Variants in GTF2A1L observed in about 807,000 individuals in gnomAD.
GTF2A1L encodes general transcription factor IIA subunit 1 like, also known as TFIIA-alpha and beta-like factor.
Under a neutral mutation model 49.7 loss-of-function variants are expected in GTF2A1L, and 48 were observed. That is an observed-to-expected ratio of 0.97 (90% CI 0.77 to 1.23). The LOEUF is 1.23. Among genes scored for constraint, GTF2A1L ranks in the 50% most tolerant of loss-of-function variants. The probability of loss-of-function intolerance (pLI) is 0.00; values close to 1 mark genes in which losing one functional copy is unlikely to be tolerated. For missense variants in GTF2A1L, 736 were observed against 564.8 expected (o/e 1.30, Z -3.07); for synonymous variants, 246 against 193.5 (o/e 1.27, Z -2.25).
At chr2:48,642,547 C>T in intron 4 of GTF2A1L, 90 bp downstream of exon 4, 1 of 1,260,786 alleles carries the variant, frequency 7.9e-7, no homozygotes, top group Non-Finnish European at 1.1e-6. Flanking sequence ...TAATTTCTTA[C>T]CCTCCAGTTG....
intron 3 of GTF2A1L, among the ~76,000 whole-genome samples, chr2:48,624,717 C>T (rs1676206676): frequency 7.1e-6 from 1 of 141,388 alleles, no homozygotes; most frequent in Admixed American, 7.3e-5. Context: ...TTCTCCCTTC[C>T]TGCCTCTGGT....
chr2:48,617,966 C>T, intron 1 of GTF2A1L, 71 bp downstream of exon 1: 1 of 1,446,604 alleles, frequency 6.9e-7, no homozygotes, highest in East Asian at 2.5e-5. Context: ...CCGAACCCTG[C>T]ACCTTTTGTT....
At chr2:48,663,768 T>C (rs1467464030) in intron 6 of GTF2A1L, among the ~76,000 whole-genome samples, 2 of 152,082 alleles carry the variant, frequency 1.3e-5, no homozygotes, top group African/African-American at 4.8e-5. Flanking sequence ...GCCTCCTGAG[T>C]AGCTGGGACT....
Position 48,646,554 on chromosome 2 carries a change from C to T in GTF2A1L, c.490C>T (p.Gln164Ter), listed in dbSNP as rs766388088. Residue 164 changes from glutamine (Q) to a stop codon, truncating the protein, a stop_gained, in exon 6 of 9, where the codon CAG becomes TAG. Transcript: ENST00000403751. LOFTEE classifies it high-confidence loss of function. ...PIQQVFQQLGQPSVIQTSVPQ... is the reference protein window; with the variant it reads ...PIQQVFQQLG ...TCAGCAAGTATTTCAACAGCTTGGC[C>T]AGCCTTCAGTAATACAAACTAGTGT... is the stretch of plus-strand genomic sequence containing the variant. 6.2e-7 allele frequency: 1 copy of T among 1,614,148 alleles called. No individual in the cohort carries two copies. The highest frequency in any genetic ancestry group is 2.2e-5 in the East Asian group (1 of 44,888).
intron 6 of GTF2A1L, 126 bp downstream of exon 6, chr2:48,647,168 A>G: frequency 1.1e-6 from 1 of 929,368 alleles, no homozygotes; most frequent in Non-Finnish European, 1.5e-6. Context: ...TCTTTAGAAG[A>G]TTATTTCTTT....
chr2:48,633,255 C>A, intron 3 of GTF2A1L: 2 of 165,320 alleles, frequency 1.2e-5, no homozygotes, highest in Non-Finnish European at 1.3e-5. Context: ...CTTCCCCACC[C>A]CCCCGTCCCA....
intron 3 of GTF2A1L, among the ~76,000 whole-genome samples, chr2:48,628,214 A>G (rs185447882): frequency 6.9e-6 from 1 of 144,012 alleles, no homozygotes; most frequent in East Asian, 2.0e-4. Flanking sequence ...TTTGGTAGAA[A>G]GATTTCTTTC....
Position 48,641,536 on chromosome 2 carries a change from G to T in GTF2A1L, c.248-866G>T, listed in dbSNP as rs959096866. 6.6e-5 allele frequency among the ~76,000 whole-genome samples: 10 copies of T among 152,206 alleles called. 2 individuals are homozygous for T. The South Asian group carries it at 1.9e-3, about 28-fold the overall frequency. On this transcript the variant is annotated intron_variant, in intron 3 of 8. Transcript: ENST00000403751. ...TTAACATATAAACATGCTAAAGTTT[G>T]TGTTTTTATTAAAGATGAGGGAAAA... is the stretch of plus-strand genomic sequence containing the variant.
rs1679173749 is a variant in GTF2A1L, at chr2:48,671,656, T to A, written c.1305T>A (p.Asn435Lys). ...TGCCAGACCTGTTTGACACGGATAA[T>A]GTTATTGTCTGTCAGTATGATAAGG... ...QDVPDLFDTDNVIVCQYDKIH... is the reference protein window; with the variant it reads ...QDVPDLFDTDKVIVCQYDKIH... The change falls in exon 8 of 9, where the codon AAT (asparagine) becomes AAA (lysine). Residue 435 changes from asparagine to lysine, a missense_variant. Physicochemically the swap from Asn to Lys is moderately conservative, Grantham distance 94. Coordinates refer to ENST00000403751, the MANE Select transcript of GTF2A1L (RefSeq NM_006872.5). 2 of 1,613,678 alleles carry A rather than the reference T, an allele frequency of 1.2e-6. No homozygotes were observed. The highest frequency in any genetic ancestry group is 8.5e-7 in the Non-Finnish European group (1 of 1,179,702).
At chr2:48,621,817 T>C (rs1432091627) in intron 3 of GTF2A1L, among the ~76,000 whole-genome samples, 1 of 152,246 alleles carries the variant, frequency 6.6e-6, no homozygotes, top group African/African-American at 2.4e-5. Context: ...TTCTTGGACT[T>C]AGCAAATCTA....
intron 3 of GTF2A1L, among the ~76,000 whole-genome samples, chr2:48,637,038 C>G (rs555218587): frequency 6.6e-6 from 1 of 152,114 alleles, no homozygotes; most frequent in East Asian, 1.9e-4. Flanking sequence ...AACTGTATGT[C>G]CGATTGTTCT....
chr2:48,618,000 T>A lies in GTF2A1L; in HGVS notation c.21+105T>A, dbSNP rs544395642. 2.4e-5 allele frequency: 28 copies of A among 1,155,814 alleles called. No homozygotes were observed. The East Asian group carries it at 7.0e-4, about 29-fold the overall frequency. The allele number at this position is 1,155,814 out of a possible 1,614,324, so 71.6% of individuals were successfully genotyped here. A position where few individuals can be genotyped will look rare whatever the true frequency, so the allele number is the denominator to read the frequency against. On this transcript the variant is annotated intron_variant, in intron 1 of 8. Coordinates refer to ENST00000403751, the MANE Select transcript of GTF2A1L (RefSeq NM_006872.5). Reference sequence around the variant, plus strand: ...TTTCCCCCTGACACTTTACAGATTGTCATAAACCCTCTCTCTTCCTTAGGG... The same window carrying A: ...TTTCCCCCTGACACTTTACAGATTGACATAAACCCTCTCTCTTCCTTAGGG...
intron 3 of GTF2A1L, among the ~76,000 whole-genome samples, chr2:48,637,452 A>C (rs1460698517): frequency 6.6e-6 from 1 of 152,202 alleles, no homozygotes; most frequent in East Asian, 1.9e-4. Context: ...ATATACCAGA[A>C]TCTCTGGGAC....
intron 6 of GTF2A1L, among the ~76,000 whole-genome samples, chr2:48,663,188 C>A (rs1322607759): frequency 1.3e-5 from 2 of 152,102 alleles, no homozygotes; most frequent in Non-Finnish European, 2.9e-5. Context: ...AATCCCAGTA[C>A]TTTGGGAGGC....
rs144474589 is a variant in GTF2A1L, at chr2:48,669,799, C to T, written c.1056C>T (p.Ser352=). Residue 352 remains serine, a synonymous_variant, in exon 7 of 9, where the codon AGC becomes AGT. Transcript: ENST00000403751. ...GTGAAATAATTCAAGTAGATGGAAG[C>T]GGTGATACATCTTCCAATGAAGAAA... The part of the protein sequence containing the change: ...DIGEIIQVDG[S]GDTSSNEEIG... 279 of 1,613,846 alleles carry T rather than the reference C, an allele frequency of 1.7e-4. 2 individuals carry two copies. In the African/African-American group the frequency reaches 1.9e-3, roughly 11 times the overall value.
chr2:48,619,760 T>C (rs934198537), intron 1 of GTF2A1L, among the ~76,000 whole-genome samples: 5 of 152,216 alleles, frequency 3.3e-5, no homozygotes, highest in East Asian at 3.8e-4. Flanking sequence ...TTTATATAGA[T>C]ATGAAGGGCT....
At chr2:48,617,978 C>T (rs1675757166) in intron 1 of GTF2A1L, 83 bp downstream of exon 1, 4 of 1,335,318 alleles carry the variant, frequency 3.0e-6, no homozygotes, top group Non-Finnish European at 4.2e-6. Flanking sequence ...CCTTTTGTTT[C>T]CCCCTGACAC....
intron 3 of GTF2A1L, among the ~76,000 whole-genome samples, chr2:48,635,442 G>A (rs1676833535): frequency 1.3e-5 from 2 of 151,980 alleles, no homozygotes; most frequent in Non-Finnish European, 2.9e-5. Context: ...TCTGCTTGGG[G>A]GGTGGAGCAG....
chr2:48,632,660 C>T (rs565841252), intron 3 of GTF2A1L: 57 of 161,120 alleles, frequency 3.5e-4, no homozygotes, highest in South Asian at 8.7e-4. Flanking sequence ...GGATTACAGG[C>T]GTGAGCCACC....
Sources: gnomAD v4.1 joint callset for allele counts (sites outside exome capture counted in the v4.1 genomes callset) on GRCh38, gnomAD v4.1.1 for gene constraint, MANE v1.5 for transcripts, NCBI Gene and HGNC (gene_info 2026-07-23, HGNC 2026-07-21) for gene names.